The following PRKN variants were observed in gnomAD, a reference collection of about 807,000 sequenced individuals.
PRKN encodes the protein parkin RBR E3 ubiquitin protein ligase, also known as E3 ubiquitin-protein ligase parkin.
In PRKN, 56 loss-of-function variants were observed where a neutral mutation model predicts 59.5. The ratio of observed to expected loss-of-function variants is 0.94; its 90% CI spans 0.76 to 1.18. The LOEUF (loss-of-function observed/expected upper bound fraction) is 1.18. PRKN is among the 50% of genes most tolerant of loss of function. The pLI, the probability that PRKN is intolerant of heterozygous loss-of-function variation, is 0.00. For synonymous variants in PRKN, 250 were observed against 222.1 expected, an observed-to-expected ratio of 1.13 and a Z score of -1.12; for missense variants, 657 against 596.4, an observed-to-expected ratio of 1.10 and a Z score of -1.06.
chr6:162,045,117 C>G (rs1304861402), intron 5 of PRKN, among the ~76,000 whole-genome samples: 1 of 152,172 alleles, frequency 6.6e-6, no homozygotes, highest in African/African-American at 2.4e-5. Context: ...TCTGCGGAAT[C>G]TGAATTGCAG....
chr6:162,147,025 C>T (rs1469524999), intron 4 of PRKN, among the ~76,000 whole-genome samples: 1 of 150,904 alleles, frequency 6.6e-6, no homozygotes, highest in Non-Finnish European at 1.5e-5. Context: ...GCTACCGTGC[C>T]CGGCCTTTTT....
rs947513188 is a variant in PRKN at position 161,549,193 on chromosome 6, A to G, written c.934-190T>C. 2.6e-4 allele frequency among the ~76,000 whole-genome samples: 39 copies of G among 152,204 alleles called. No individual in the cohort carries two copies. The highest frequency in any genetic ancestry group is 7.2e-4 in the Admixed American group (11 of 15,278). On this transcript the variant is annotated intron_variant, in intron 8 of 11. Coordinates refer to ENST00000366898, the MANE Select transcript of PRKN (RefSeq NM_004562.3). The surrounding 1 kb of genome is among the most constrained non-coding windows in gnomAD (Gnocchi z 6.0). ...GATAGGGGAGGACGAATATGGTTCA[A>G]TGCAGTAAAAGTCTACCAAATTCAA... is the stretch of plus-strand genomic sequence containing the variant.
chr6:161,787,949 C>G (rs1219374385), intron 6 of PRKN, among the ~76,000 whole-genome samples: 1 of 152,126 alleles, frequency 6.6e-6, no homozygotes, highest in African/African-American at 2.4e-5. Context: ...CAAAAACAAA[C>G]AAACAAAAAA....
intron 2 of PRKN, among the ~76,000 whole-genome samples, chr6:162,289,145 G>A (rs577446114): frequency 1.7e-4 from 26 of 149,698 alleles, no homozygotes; most frequent in East Asian, 5.3e-4. Context: ...TCAAGGCATC[G>A]GCAGGGCTGG....
rs141085744 is a variant in PRKN, at chr6:162,024,443, G to A, written c.618+29648C>T. On this transcript the variant is annotated intron_variant, in intron 5 of 11. Coordinates refer to ENST00000366898, the MANE Select transcript of PRKN (RefSeq NM_004562.3). ...AACTCCTGACTTCAGGTGATCCACCGGCCTCGGCCTCTCAAAGTGCTGGGA... is the reference window on the plus strand; with the variant it reads ...AACTCCTGACTTCAGGTGATCCACCAGCCTCGGCCTCTCAAAGTGCTGGGA... 2.3e-4 allele frequency among the ~76,000 whole-genome samples: 35 copies of A among 152,094 alleles called. 1 individual carries two copies. In the South Asian group the frequency reaches 2.5e-3, roughly 11 times the overall value.
At chr6:162,266,777 T>C (rs188718604) in intron 2 of PRKN, among the ~76,000 whole-genome samples, 73 of 152,314 alleles carry the variant, frequency 4.8e-4, no homozygotes, top group African/African-American at 1.7e-3. Context: ...TCCGCAATGA[T>C]ACATCGTTGG....
rs1028071572 is a variant in PRKN at position 161,372,215 on chromosome 6, A to T, written c.1168-12010T>A. 1.3e-5 allele frequency among the ~76,000 whole-genome samples: 2 copies of T among 152,082 alleles called. No individual in the cohort carries two copies. The highest frequency in any genetic ancestry group is 2.9e-5 in the Non-Finnish European group (2 of 68,002). ...TGTTCAACTATTGTTACAAGTTGAC[A>T]TATGGGAAAAATCTACACTTGAGCT... On this transcript the variant is annotated intron_variant, in intron 10 of 11. Transcript: ENST00000366898. The surrounding 1 kb of genome is among the most constrained non-coding windows in gnomAD (Gnocchi z 4.2).
At chr6:162,705,889 T>G (rs1040472291) in intron 1 of PRKN, among the ~76,000 whole-genome samples, 2 of 152,086 alleles carry the variant, frequency 1.3e-5, no homozygotes, top group Non-Finnish European at 2.9e-5. Context: ...GCTTGGCTGT[T>G]TGACTCCCGT....
rs144640853 is a variant in PRKN, at chr6:161,355,697, C to A, written c.1285+4391G>T. ...CTGGGATTACAGGCGTGAGTCACCA[C>A]GCCCGGCCTACAAGCTAAGTTTTAA... On this transcript the variant is annotated intron_variant, in intron 11 of 11. Transcript: ENST00000366898. This position sits in a 1 kb window ranked among gnomAD's most constrained non-coding sequence, Gnocchi z 6.8. 6.6e-6 allele frequency among the ~76,000 whole-genome samples: 1 copy of A among 152,028 alleles called. No homozygotes were observed. Among genetic ancestry groups the A allele is most frequent in the African/African-American group, 2.4e-5 (1 of 41,418 alleles).
At chr6:161,929,090 T>C (rs1392541638) in intron 6 of PRKN, among the ~76,000 whole-genome samples, 1 of 152,096 alleles carries the variant, frequency 6.6e-6, no homozygotes, top group Non-Finnish European at 1.5e-5. Context: ...AACAGGTGAA[T>C]GGATAAACAA....
chr6:162,242,444 A>G (rs538876931), intron 3 of PRKN, among the ~76,000 whole-genome samples: 1 of 152,288 alleles, frequency 6.6e-6, no homozygotes, highest in South Asian at 2.1e-4. Context: ...ATGCTATTGA[A>G]GTAATGTGTT....
chr6:162,254,122 G>C (rs79576384), intron 3 of PRKN, among the ~76,000 whole-genome samples: 1 of 152,040 alleles, frequency 6.6e-6, no homozygotes, highest in East Asian at 1.9e-4. Flanking sequence ...AGGAAGGACC[G>C]TCTTTGACTA....
intron 7 of PRKN, among the ~76,000 whole-genome samples, chr6:161,611,216 T>C (rs965480334): frequency 2.0e-5 from 3 of 152,162 alleles, no homozygotes; most frequent in Non-Finnish European, 2.9e-5. Flanking sequence ...GTGGAAATAA[T>C]GTGAGTCTAT....
chr6:161,826,955 A>T (rs148379025), intron 6 of PRKN, among the ~76,000 whole-genome samples: 5 of 152,296 alleles, frequency 3.3e-5, no homozygotes, highest in Non-Finnish European at 7.3e-5. Flanking sequence ...GCTCAATAAG[A>T]TGACACAGCA....
chr6:162,054,851 T>C (rs1777793165), intron 4 of PRKN, among the ~76,000 whole-genome samples: 1 of 152,214 alleles, frequency 6.6e-6, no homozygotes. Flanking sequence ...AACTGGTTCA[T>C]AACTTTTTGA....
chr6:162,539,521 G>A (rs1778842393), intron 1 of PRKN, among the ~76,000 whole-genome samples: 1 of 152,138 alleles, frequency 6.6e-6, no homozygotes, highest in South Asian at 2.1e-4. Context: ...AGCATCAGTT[G>A]GAGGATTTAC....
chr6:162,212,659 C>T (rs767838911), intron 3 of PRKN, among the ~76,000 whole-genome samples: 3 of 152,098 alleles, frequency 2.0e-5, no homozygotes, highest in Non-Finnish European at 2.9e-5. Context: ...TGTTTAACAA[C>T]AGGGATATAT....
At chr6:162,220,846 G>C (rs1777896951) in intron 3 of PRKN, among the ~76,000 whole-genome samples, 1 of 152,212 alleles carries the variant, frequency 6.6e-6, no homozygotes, top group African/African-American at 2.4e-5. Context: ...TGCAGTGAAA[G>C]AAACAGGCAT....
chr6:162,727,652 A>G lies in PRKN; in HGVS notation c.7+10T>C. The G allele has an allele frequency of 6.3e-7, 1 of 1,585,130 alleles. No homozygotes were observed. Among genetic ancestry groups the G allele is most frequent in the East Asian group, 2.3e-5 (1 of 42,924 alleles). ...CGCAGAGAGGCTGTACCTGGCAGGT[A>G]CCCACGTACCTATCATGGTCACTGG... On this transcript the variant is annotated intron_variant, in intron 1 of 11. Transcript: ENST00000366898.
Sources: gnomAD v4.1 joint callset for allele counts (sites outside exome capture counted in the v4.1 genomes callset) on GRCh38, gnomAD v4.1.1 for gene constraint, Gnocchi (gnomAD v3.1) non-coding constraint, MANE v1.5 for transcripts, NCBI Gene and HGNC (gene_info 2026-07-23, HGNC 2026-07-21) for gene names.